Variants in COPB2 observed in about 807,000 individuals in gnomAD.
COPB2 encodes the protein coat protein complex I subunit beta 2.
COPB2 carries 16 observed loss-of-function variants against 120.8 expected under a neutral mutation model. That is an observed-to-expected ratio of 0.13 (90% CI 0.09 to 0.20). The LOEUF is 0.20. Ranked by LOEUF, COPB2 falls within the 10% of genes least tolerant of loss-of-function variation. The probability of loss-of-function intolerance (pLI) is 1.00; values close to 1 mark genes in which losing one functional copy is unlikely to be tolerated. For synonymous variants in COPB2, 332 were observed against 366.3 expected (o/e 0.91, Z 1.07); for missense variants, 794 against 1,076.5 (o/e 0.74, Z 3.67).
chr3:139,363,031 C>A (rs1270381346), intron 15 of COPB2, among the ~76,000 whole-genome samples: 9 of 152,132 alleles, frequency 5.9e-5, no homozygotes, highest in Admixed American at 5.9e-4. Context: ...AAATATAAAA[C>A]CTTCCAACTT....
In COPB2 at chr3:139,379,473, A is replaced by G; in HGVS notation, c.142-7T>C. On this transcript the variant is annotated splice_polypyrimidine_tract_variant and splice_region_variant and intron_variant, in intron 2 of 21. Transcript: ENST00000333188. ...CAAATGTCTTCACCAGTGTCTTTAA[A>G]ATGTAACAAGAATACACAAATTGAG... 1.2e-6 allele frequency: 2 copies of G among 1,611,454 alleles called. No homozygotes were observed. Among genetic ancestry groups the G allele is most frequent in the Non-Finnish European group, 1.7e-6 (2 of 1,178,250 alleles).
Position 139,357,529 on chromosome 3 carries a change from G to A in COPB2, c.*334C>T, listed in dbSNP as rs1319422765. ...TGATCCCTAGGCAAGGTGTAGTTTC[G>A]GCTCAGCCTTCTAAAACTAGAAGCC... On this transcript the variant is annotated 3_prime_UTR_variant, in exon 22 of 22. Transcript: ENST00000333188. 2.5e-5 allele frequency: 5 copies of A among 203,344 alleles called. No homozygotes were observed. Among genetic ancestry groups the A allele is most frequent in the Admixed American group, 1.1e-4 (2 of 17,498 alleles). 12.6% of individuals were successfully genotyped at this position (203,344 alleles called of 1,614,324 possible). A position where few individuals can be genotyped will look rare whatever the true frequency, so the allele number is the denominator to read the frequency against.
At position 139,358,824 on chromosome 3, in the gene COPB2, T is replaced by G. The variant is rs184760298; in HGVS notation, c.2485-12A>C. On this transcript the variant is annotated splice_polypyrimidine_tract_variant and intron_variant, in intron 19 of 21. Transcript: ENST00000333188. Reference sequence around the variant, plus strand: ...CTCTCTTCATTTGGCTATCAGAGAATAAAGCAATGATGAAATGAGATATTC... The same window carrying G: ...CTCTCTTCATTTGGCTATCAGAGAAGAAAGCAATGATGAAATGAGATATTC... The G allele has an allele frequency of 6.2e-7, 1 of 1,607,648 alleles. No homozygotes were observed. Among genetic ancestry groups the G allele is most frequent in the Non-Finnish European group, 8.5e-7 (1 of 1,174,264 alleles).
chr3:139,386,775 A>C (rs1376182097), intron 1 of COPB2, among the ~76,000 whole-genome samples: 1 of 152,182 alleles, frequency 6.6e-6, no homozygotes, highest in Non-Finnish European at 1.5e-5. Flanking sequence ...ACAAATTGTG[A>C]ACATTTTACT....
At chr3:139,383,183 T>G in intron 2 of COPB2, 115 bp downstream of exon 2, 4 of 1,216,724 alleles carry the variant, frequency 3.3e-6, no homozygotes, top group Non-Finnish European at 3.6e-6. Flanking sequence ...TGTACCAACT[T>G]GAGAAAGCAG....
chr3:139,373,367 T>C lies in COPB2; in HGVS notation c.940A>G (p.Ile314Val). 1.2e-6 allele frequency: 2 copies of C among 1,614,190 alleles called. No homozygotes were observed. Among genetic ancestry groups the C allele is most frequent in the Non-Finnish European group, 1.7e-6 (2 of 1,180,036 alleles). ...ACTTCTGAATGCTTGGCCCAAATTATCTTTCCATTGGCATCCATGGACATG... is the reference window on the plus strand; with the variant it reads ...ACTTCTGAATGCTTGGCCCAAATTACCTTTCCATTGGCATCCATGGACATG... ...PAMSMDANGK[I>V]IWAKHSEVQQ... Residue 314 changes from isoleucine (I) to valine (V), a missense_variant, in exon 9 of 22, where the codon ATA becomes GTA. Ile to Val is a conservative substitution (Grantham distance 29). This residue lies in a region of COPB2 where 610 missense variants were observed against 866.7 expected (regional missense o/e 0.70). Transcript: ENST00000333188.
chr3:139,361,630 A>G (rs1390949784), intron 16 of COPB2, among the ~76,000 whole-genome samples: 1 of 152,250 alleles, frequency 6.6e-6, no homozygotes, highest in African/African-American at 2.4e-5. Flanking sequence ...CAAGTGATTT[A>G]ATATCACTTT....
Position 139,366,580 on chromosome 3 carries a change from A to G in COPB2, c.1872T>C (p.Phe624=). The G allele has an allele frequency of 6.2e-7, 1 of 1,607,248 alleles. No individual in the cohort carries two copies. Residue 624 remains phenylalanine, a synonymous_variant, in exon 15 of 22, where the codon TTT becomes TTC. Coordinates refer to ENST00000333188, the MANE Select transcript of COPB2 (RefSeq NM_004766.3). ...CAAAACCTCTTACCTGCTTTTCCAA[A>G]AAGTGTGCAACTCTGGTCCTCTGTT... ...PKEQRTRVAH[F]LEKQGFKQQA...
chr3:139,379,408 G>C lies in COPB2; in HGVS notation c.200C>G (p.Ala67Gly), dbSNP rs1941768780. 6.2e-7 allele frequency: 1 copy of C among 1,614,046 alleles called. No individual in the cohort carries two copies. The highest frequency in any genetic ancestry group is 8.5e-7 in the Non-Finnish European group (1 of 1,179,978). ...TCCTGTCACAACCCAATTCTTCCTTGCAACAAACTTTGCAGCTCGAACAGG... is the reference window on the plus strand; with the variant it reads ...TCCTGTCACAACCCAATTCTTCCTTCCAACAAACTTTGCAGCTCGAACAGG... ...DLPVRAAKFVARKNWVVTGAD... is the reference protein window; with the variant it reads ...DLPVRAAKFVGRKNWVVTGAD... Residue 67 changes from alanine to glycine, a missense_variant, in exon 3 of 22, where the codon GCA becomes GGA. Transcript: ENST00000333188.
At chr3:139,361,387 T>C (rs1333223145) in intron 16 of COPB2, 92 bp from the exon 17 acceptor site, 1 of 1,257,174 alleles carries the variant, frequency 8.0e-7, no homozygotes, top group Non-Finnish European at 1.1e-6. Context: ...ACAATGTTTA[T>C]AAAAAGAGCT....
chr3:139,358,298 G>A (rs1200741286), intron 20 of COPB2, 27 bp from the exon 21 acceptor site: 1 of 1,574,870 alleles, frequency 6.3e-7, no homozygotes, highest in Non-Finnish European at 8.7e-7. Flanking sequence ...AGATATATAT[G>A]AAGACAAGGG....
At chr3:139,381,666 A>G (rs1325674356) in intron 2 of COPB2, 1 of 152,224 alleles carries the variant, frequency 6.6e-6, no homozygotes, top group Non-Finnish European at 1.5e-5. Context: ...ATAGAAGAGA[A>G]AAAGGAGGCA....
rs1941666679 is a variant in COPB2, at chr3:139,373,792, C to A, written c.768G>T (p.Trp256Cys). The A allele has an allele frequency of 6.2e-7, 1 of 1,614,044 alleles. No homozygotes were observed. Among genetic ancestry groups the A allele is most frequent in the Non-Finnish European group, 8.5e-7 (1 of 1,179,986 alleles). The change falls in exon 8 of 22, where the codon TGG becomes TGT. Residue 256 changes from tryptophan to cysteine, a missense_variant. By Grantham distance (215) the Trp-to-Cys change is radical. Transcript: ENST00000333188. ...TGSEDGTVRI[W>C]HSSTYRLEST... ...TCTCAAGCCGGTAGGTGCTTGAATGCCAAATACGTACTGTTCCTAAAAAGA... is the reference window on the plus strand; with the variant it reads ...TCTCAAGCCGGTAGGTGCTTGAATGACAAATACGTACTGTTCCTAAAAAGA...
At chr3:139,379,897 T>A (rs1395260081) in intron 2 of COPB2, 1 of 171,532 alleles carries the variant, frequency 5.8e-6, no homozygotes, top group Admixed American at 5.9e-5. Flanking sequence ...AAGGCAGGAA[T>A]ATTTTTCACA....
At chr3:139,361,691 T>A (rs939195524) in intron 16 of COPB2, among the ~76,000 whole-genome samples, 1 of 152,254 alleles carries the variant, frequency 6.6e-6, no homozygotes, top group African/African-American at 2.4e-5. Flanking sequence ...TAATATTATG[T>A]CTCACTTGTA....
intron 1 of COPB2, among the ~76,000 whole-genome samples, chr3:139,384,121 G>A (rs1399057017): frequency 2.6e-5 from 4 of 152,144 alleles, no homozygotes; most frequent in Non-Finnish European, 2.9e-5. Context: ...GTTTCTTAAA[G>A]GCTACTTGCA....
chr3:139,363,883 T>C (rs1018417894), intron 15 of COPB2, among the ~76,000 whole-genome samples: 2 of 152,174 alleles, frequency 1.3e-5, no homozygotes, highest in Non-Finnish European at 1.5e-5. Context: ...TTTTTTCCAC[T>C]AGCATTGATA....
Position 139,357,862 on chromosome 3 carries a change from G to A in COPB2, c.*1C>T. On this transcript the variant is annotated 3_prime_UTR_variant, in exon 22 of 22. Transcript: ENST00000333188. ...AGTCAGGTAAATGGAAAGCATTACAGTCAATCATCCAAAATATCTTCATCC... is the reference window on the plus strand; with the variant it reads ...AGTCAGGTAAATGGAAAGCATTACAATCAATCATCCAAAATATCTTCATCC... 6.5e-7 allele frequency: 1 copy of A among 1,527,500 alleles called. No homozygotes were observed. Among genetic ancestry groups the A allele is most frequent in the Non-Finnish European group, 9.0e-7 (1 of 1,108,068 alleles). 94.6% of individuals were successfully genotyped at this position (1,527,500 alleles called of 1,614,324 possible).
intron 21 of COPB2, 68 bp downstream of exon 21, chr3:139,358,132 G>A (rs7616756): frequency 0.022 from 30,467 of 1,388,916 alleles, 416 homozygotes; most frequent in Non-Finnish European, 0.027. Context: ...AGAGGCCTAC[G>A]TATCCTCCAG....
Sources: gnomAD v4.1 joint callset for allele counts (sites outside exome capture counted in the v4.1 genomes callset) on GRCh38, gnomAD v4.1.1 for gene constraint, gnomAD v4.1.1 regional missense constraint, MANE v1.5 for transcripts, NCBI Gene and HGNC (gene_info 2026-07-23, HGNC 2026-07-21) for gene names.